Variants in SUPT3H observed in about 807,000 individuals in gnomAD.
SUPT3H encodes transcription initiation protein SPT3 homolog.
Under a neutral mutation model 44.3 loss-of-function variants are expected in SUPT3H, and 44 were observed. The ratio of observed to expected loss-of-function variants is 0.99; its 90% CI spans 0.78 to 1.28. SUPT3H has a LOEUF of 1.28. Ranked by LOEUF, SUPT3H falls within the 50% of genes most tolerant of loss-of-function variation. SUPT3H has a pLI of 0.00. For missense variants in SUPT3H, 380 were observed against 387.1 expected (o/e 0.98, Z 0.15); for synonymous variants, 124 against 125.6 (o/e 0.99, Z 0.09).
At chr6:45,248,062 T>A (rs1384415259) in intron 2 of SUPT3H, among the ~76,000 whole-genome samples, 1 of 152,058 alleles carries the variant, frequency 6.6e-6, no homozygotes, top group East Asian at 1.9e-4. Context: ...TTACAACTTA[T>A]ACAAATGTAA....
intron 3 of SUPT3H, among the ~76,000 whole-genome samples, chr6:45,103,659 G>T (rs1798893167): frequency 6.6e-6 from 1 of 152,074 alleles, no homozygotes; most frequent in African/African-American, 2.4e-5. Flanking sequence ...AAAAAGTTTG[G>T]AGAAACACTA....
chr6:44,954,402 T>C, intron 8 of SUPT3H, 93 bp downstream of exon 8: 3 of 922,798 alleles, frequency 3.3e-6, no homozygotes, highest in Non-Finnish European at 5.4e-6. Context: ...CTGTTATTAC[T>C]GGTAGAGCAG....
intron 2 of SUPT3H, among the ~76,000 whole-genome samples, chr6:45,107,094 T>G (rs1249300635): frequency 2.0e-5 from 3 of 152,198 alleles, no homozygotes; most frequent in Non-Finnish European, 2.9e-5. Context: ...GCCTTAGAAT[T>G]CCTCTTCTTA....
chr6:45,268,564 C>T (rs574965824), intron 2 of SUPT3H, among the ~76,000 whole-genome samples: 1 of 152,276 alleles, frequency 6.6e-6, no homozygotes, highest in South Asian at 2.1e-4. Context: ...TTTATTCTCA[C>T]TGTAAGCAAT....
chr6:45,290,928 C>T (rs1036397103), intron 2 of SUPT3H, among the ~76,000 whole-genome samples: 3 of 152,130 alleles, frequency 2.0e-5, no homozygotes, highest in African/African-American at 4.8e-5. Context: ...AGCTCTAACT[C>T]GGATGGACAG....
At chr6:44,959,977 C>T (rs1173073411) in intron 7 of SUPT3H, among the ~76,000 whole-genome samples, 2 of 152,002 alleles carry the variant, frequency 1.3e-5, no homozygotes, top group Non-Finnish European at 2.9e-5. Flanking sequence ...AACAGATTTC[C>T]CCACCAAGGT....
chr6:45,214,813 C>G (rs1244561319), intron 2 of SUPT3H, among the ~76,000 whole-genome samples: 1 of 152,170 alleles, frequency 6.6e-6, no homozygotes, highest in Non-Finnish European at 1.5e-5. Context: ...CATGGCAGTG[C>G]ACTCCAAAAT....
chr6:45,061,785 T>C (rs1450451510), intron 3 of SUPT3H, among the ~76,000 whole-genome samples: 1 of 151,970 alleles, frequency 6.6e-6, no homozygotes, highest in African/African-American at 2.4e-5. Context: ...ATGAATAACA[T>C]AATTCTAGTC....
chr6:44,922,731 ATGAGCAACTT>A (rs1768925771), intron 10 of SUPT3H, among the ~76,000 whole-genome samples: 1 of 152,210 alleles, frequency 6.6e-6, no homozygotes. Context: ...CTAGGTCAAC[ATGAGCAACTT>A]AATGTACTGA....
At chr6:45,011,682 CTT>C (rs1467488884) in intron 5 of SUPT3H, among the ~76,000 whole-genome samples, 5 of 151,936 alleles carry the variant, frequency 3.3e-5, no homozygotes, top group East Asian at 1.9e-4. Context: ...TATACTATCT[CTT>C]ATATTTATGT....
At chr6:44,944,498 A>G (rs1034597325) in intron 9 of SUPT3H, among the ~76,000 whole-genome samples, 2 of 151,936 alleles carry the variant, frequency 1.3e-5, no homozygotes, top group Non-Finnish European at 2.9e-5. Context: ...ACAGCAGCTC[A>G]TGCCTATAAA....
chr6:45,356,738 G>C (rs1048469297), intron 2 of SUPT3H, among the ~76,000 whole-genome samples: 14 of 151,982 alleles, frequency 9.2e-5, no homozygotes, highest in Non-Finnish European at 1.8e-4. Flanking sequence ...ATGTAAAAGT[G>C]TCCATCAGTC....
At chr6:45,053,776 G>A (rs1027218079) in intron 3 of SUPT3H, among the ~76,000 whole-genome samples, 9 of 148,826 alleles carry the variant, frequency 6.0e-5, no homozygotes, top group African/African-American at 1.7e-4. Context: ...TTAGCCGGGC[G>A]TGGTGATGGG....
rs1289998794 is a variant in SUPT3H at position 45,128,581 on chromosome 6, CACAT to C, written c.102-22579_102-22576del. On this transcript the variant is annotated intron_variant, in intron 2 of 10. Transcript: ENST00000371459. ...ATACACACACACACACACACACACA[CACAT>C]ACACATATATATATATACACACATA... 2.2e-3 allele frequency among the ~76,000 whole-genome samples: 250 copies of C among 115,964 alleles called. 2 individuals carry two copies. The highest frequency in any genetic ancestry group is 8.0e-3 in the African/African-American group (229 of 28,490). 76.1% of individuals were successfully genotyped at this position (115,964 alleles called of 152,430 possible).
At chr6:45,110,715 A>G (rs1372681351) in intron 2 of SUPT3H, among the ~76,000 whole-genome samples, 2 of 152,186 alleles carry the variant, frequency 1.3e-5, no homozygotes, top group Non-Finnish European at 2.9e-5. Flanking sequence ...TATAAATTCT[A>G]AAGCATCATT....
chr6:44,811,296 G>A (rs186835885), intron 11 of SUPT3H, among the ~76,000 whole-genome samples: 36 of 152,300 alleles, frequency 2.4e-4, no homozygotes, highest in Admixed American at 1.3e-3. Flanking sequence ...AAGGGGTTAT[G>A]GGTTATTGGG....
intron 2 of SUPT3H, among the ~76,000 whole-genome samples, chr6:45,216,471 T>C (rs1765078283): frequency 6.6e-6 from 1 of 152,074 alleles, no homozygotes; most frequent in African/African-American, 2.4e-5. Context: ...AAATAGAAAG[T>C]TTTAATTCAC....
At chr6:44,914,396 G>A (rs926509164) in intron 10 of SUPT3H, among the ~76,000 whole-genome samples, 1 of 152,204 alleles carries the variant, frequency 6.6e-6, no homozygotes, top group Non-Finnish European at 1.5e-5. Context: ...ATGGTGCTAG[G>A]AGCTCAGCTT....
chr6:45,150,477 A>G (rs1806751242), intron 2 of SUPT3H, among the ~76,000 whole-genome samples: 1 of 152,160 alleles, frequency 6.6e-6, no homozygotes, highest in Non-Finnish European at 1.5e-5. Context: ...GTAGAGAGAC[A>G]ACACAAAATG....
Sources: allele counts gnomAD v4.1 joint callset (sites outside exome capture counted in the v4.1 genomes callset), GRCh38; gene constraint gnomAD v4.1.1; transcripts MANE v1.5; gene names NCBI Gene and HGNC (gene_info 2026-07-23, HGNC 2026-07-21).